GABRP: variants seen among roughly 807,000 people sequenced by gnomAD.
The protein encoded by GABRP is gamma-aminobutyric acid type A receptor subunit pi.
A neutral mutation model predicts 47.8 loss-of-function variants in GABRP; 52 were observed. That is an observed-to-expected ratio of 1.09 (90% confidence interval 0.87 to 1.37). GABRP has a LOEUF of 1.37. Among genes scored for constraint, GABRP ranks in the 40% most tolerant of loss-of-function variants. GABRP has a pLI of 0.00. For synonymous variants in GABRP, 221 were observed against 205.8 expected (o/e 1.07, Z -0.63); for missense variants, 525 against 542.8 (o/e 0.97, Z 0.33).
chr5:170,786,879 A>T (rs1447556535), intron 1 of GABRP, among the ~76,000 whole-genome samples: 2 of 152,210 alleles, frequency 1.3e-5, no homozygotes, highest in African/African-American at 4.8e-5. Flanking sequence ...ATATAGAGAT[A>T]TATATGTATG....
At chr5:170,807,339 G>A (rs1765761103) in intron 7 of GABRP, among the ~76,000 whole-genome samples, 1 of 152,072 alleles carries the variant, frequency 6.6e-6, no homozygotes, top group South Asian at 2.1e-4. Flanking sequence ...TGTAAATTAG[G>A]GCTATGCAGT....
At chr5:170,811,234 G>A (rs1013807224) in intron 9 of GABRP, among the ~76,000 whole-genome samples, 2 of 149,702 alleles carry the variant, frequency 1.3e-5, no homozygotes, top group African/African-American at 4.9e-5. Context: ...TCATTGTCCT[G>A]TACAGTGATA....
chr5:170,808,597 C>T lies in GABRP; in HGVS notation c.680-3C>T. On this transcript the variant is annotated splice_polypyrimidine_tract_variant and splice_region_variant and intron_variant, in intron 7 of 9. Transcript: ENST00000265294. ...ATTTCCTATCTGTTGTTTACCCTTT[C>T]AGGAAATTACACTAGATTGGTCTTA... is the stretch of plus-strand genomic sequence containing the variant. 6.2e-7 allele frequency: 1 copy of T among 1,612,948 alleles called. No homozygotes were observed. The highest frequency in any genetic ancestry group is 8.5e-7 in the Non-Finnish European group (1 of 1,179,342).
Position 170,809,749 on chromosome 5 carries a change from A to G in GABRP, c.1014A>G (p.Lys338=), listed in dbSNP as rs1765833569. The change falls in exon 9 of 10, where the codon AAA becomes AAG. Residue 338 remains lysine (K), a synonymous_variant. Transcript: ENST00000265294. ...GTTCCTTACAGCAGATGGCAGCCAA[A>G]GATAGGGTAAGAGTCTTGAGGGCCC... ...HYSSLQQMAA[K]DRGTTKEVEE... is the part of the protein sequence containing the mutation. 6.3e-7 allele frequency: 1 copy of G among 1,588,822 alleles called. No homozygotes were observed. Among genetic ancestry groups the G allele is most frequent in the Non-Finnish European group, 8.6e-7 (1 of 1,168,044 alleles).
rs151265212 is a variant in GABRP at position 170,787,403 on chromosome 5, A to G, written c.-42-1171A>G. The stretch of plus-strand genomic sequence containing the variant: ...AGGTCACAGGCTGGCCTGCCTGGCT[A>G]CCCCCTGCTCCCTCAGAGGGACGCC... On this transcript the variant is annotated intron_variant, in intron 1 of 9. Transcript: ENST00000265294. 4.2e-3 allele frequency among the ~76,000 whole-genome samples: 641 copies of G among 152,162 alleles called. 8 individuals carry two copies. Among genetic ancestry groups the G allele is most frequent in the African/African-American group, 0.014 (598 of 41,506 alleles).
intron 6 of GABRP, 44 bp from the exon 7 acceptor site, chr5:170,805,672 C>A: frequency 6.2e-7 from 1 of 1,608,438 alleles, no homozygotes; most frequent in Non-Finnish European, 8.5e-7. Flanking sequence ...CCAGTTCAAT[C>A]TGGAACACCC....
intron 5 of GABRP, among the ~76,000 whole-genome samples, chr5:170,796,406 A>C (rs1033604604): frequency 3.3e-5 from 5 of 152,170 alleles, no homozygotes; most frequent in African/African-American, 1.2e-4. Flanking sequence ...TTGTGTGTAC[A>C]TGTGTGTCTG....
rs774249913 is a variant in GABRP at position 170,812,207 on chromosome 5, G to T, written c.1272G>T (p.Leu424Phe). 3.7e-6 allele frequency: 6 copies of T among 1,613,862 alleles called. No homozygotes were observed. The highest frequency in any genetic ancestry group is 1.6e-4 in the Middle Eastern group (1 of 6,062). The change falls in exon 10 of 10, where the codon TTG becomes TTT. Residue 424 changes from leucine (L) to phenylalanine (F), a missense_variant. Transcript: ENST00000265294. The part of the protein sequence containing the change: ...VDHYSKLLFP[L>F]IFMLANVFYW... ...ACTATTCCAAACTACTGTTTCCTTT[G>T]ATTTTTATGCTAGCCAATGTATTTT...
At chr5:170,804,586 G>A (rs922008439) in intron 6 of GABRP, among the ~76,000 whole-genome samples, 1 of 151,954 alleles carries the variant, frequency 6.6e-6, no homozygotes, top group African/African-American at 2.4e-5. Flanking sequence ...GTTTTGATTT[G>A]CATTTCCCTA....
Position 170,813,928 on chromosome 5 carries a change from A to T in GABRP, c.*1670A>T, listed in dbSNP as rs555913256. 18 of 152,218 alleles carry T rather than the reference A, an allele frequency of 1.2e-4. No homozygotes were observed. In the East Asian group the frequency reaches 1.5e-3, roughly 13 times the overall value. The allele number at this position is 152,218 out of a possible 1,614,324, so 9.4% of individuals were successfully genotyped here. ...GAGCCAATCATATTTGTGATTTTTTAAAAAAAGTTTAAAAGGAAATATCTG... is the reference window on the plus strand; with the variant it reads ...GAGCCAATCATATTTGTGATTTTTTTAAAAAAGTTTAAAAGGAAATATCTG... On this transcript the variant is annotated 3_prime_UTR_variant, in exon 10 of 10. Coordinates refer to ENST00000265294, the MANE Select transcript of GABRP (RefSeq NM_014211.3).
chr5:170,785,550 T>G (rs1765107404), intron 1 of GABRP, among the ~76,000 whole-genome samples: 1 of 152,196 alleles, frequency 6.6e-6, no homozygotes, highest in Non-Finnish European at 1.5e-5. Context: ...GGGATTACAT[T>G]TCTGGCTCTA....
At chr5:170,805,174 A>G (rs953363749) in intron 6 of GABRP, among the ~76,000 whole-genome samples, 9 of 151,908 alleles carry the variant, frequency 5.9e-5, no homozygotes, top group Non-Finnish European at 1.3e-4. Context: ...TAAAGTACTT[A>G]TAAATGTTCA....
chr5:170,796,147 G>T (rs772027584), intron 5 of GABRP, among the ~76,000 whole-genome samples: 1 of 152,204 alleles, frequency 6.6e-6, no homozygotes, highest in Non-Finnish European at 1.5e-5. Context: ...AATATTCATG[G>T]GGCTGATGTT....
At position 170,783,787 on chromosome 5, in the gene GABRP, C is replaced by G. The variant is rs1335639914; in HGVS notation, c.-130C>G. 6.6e-6 allele frequency: 1 copy of G among 152,312 alleles called. No individual in the cohort carries two copies. The highest frequency in any genetic ancestry group is 1.5e-5 in the Non-Finnish European group (1 of 68,158). 9.4% of individuals were successfully genotyped at this position (152,312 alleles called of 1,614,324 possible). On this transcript the variant is annotated 5_prime_UTR_variant, in exon 1 of 10. Transcript: ENST00000265294. ...GGACAGGGCTGAGGATGAGGAGAAC[C>G]CTGGGGACCCAGAAGACCGTGCCTT...
At chr5:170,797,608 T>C in intron 6 of GABRP, 60 bp downstream of exon 6, 2 of 1,025,818 alleles carry the variant, frequency 1.9e-6, no homozygotes. Flanking sequence ...GGTGTGTGTA[T>C]TCATGAAAAG....
intron 5 of GABRP, among the ~76,000 whole-genome samples, chr5:170,796,026 C>T (rs1391656933): frequency 3.3e-5 from 5 of 152,174 alleles, no homozygotes; most frequent in Admixed American, 3.3e-4. Context: ...AAGTTCCTTT[C>T]ACCCAATTGT....
At chr5:170,807,940 T>C (rs1346087678) in intron 7 of GABRP, among the ~76,000 whole-genome samples, 1 of 152,194 alleles carries the variant, frequency 6.6e-6, no homozygotes, top group East Asian at 1.9e-4. Flanking sequence ...TGCTGGCCAC[T>C]ACTGCTCACC....
chr5:170,789,554 A>T (rs150085874), intron 3 of GABRP, among the ~76,000 whole-genome samples: 21 of 152,216 alleles, frequency 1.4e-4, no homozygotes, highest in African/African-American at 4.6e-4. Flanking sequence ...TGAATTCACC[A>T]TGCGCCACCA....
rs1765904667 is a variant in GABRP at position 170,812,088 on chromosome 5, A to G, written c.1153A>G (p.Met385Val). Residue 385 changes from methionine (M) to valine (V), a missense_variant, in exon 10 of 10, where the codon ATG becomes GTG. By Grantham distance (21) the Met-to-Val change is conservative (BLOSUM62 1). Transcript: ENST00000265294. ...CAACGTTGACTACAGTGACTTGACA[A>G]TGAAAACCAGCGACAAGTTCAAGTT... ...SDNVDYSDLT[M>V]KTSDKFKFVF... 1.2e-6 allele frequency: 2 copies of G among 1,614,078 alleles called. No homozygotes were observed. Among genetic ancestry groups the G allele is most frequent in the Non-Finnish European group, 1.7e-6 (2 of 1,180,036 alleles).
Sources: gnomAD v4.1 joint callset for allele counts (sites outside exome capture counted in the v4.1 genomes callset) on GRCh38, gnomAD v4.1.1 for gene constraint, MANE v1.5 for transcripts, NCBI Gene and HGNC (gene_info 2026-07-23, HGNC 2026-07-21) for gene names.